Variants in CCR5AS observed in about 807,000 individuals in gnomAD.
The protein encoded by CCR5AS is CCR5 antisense RNA.
chr3:46,379,897 A>AAAT (rs1701801806), intron 2 of CCR5AS, among the ~76,000 whole-genome samples: 1 of 146,398 alleles, frequency 6.8e-6, no homozygotes, highest in African/African-American at 2.6e-5. Flanking sequence ...ACTCTGTCTC[A>AAAT]AAATAAATAA....
rs545967959 is a variant in CCR5AS at position 46,406,174 on chromosome 3, C to A, written n.163+723G>T. Among the ~76,000 whole-genome samples, 12 of 152,252 alleles carry A rather than the reference C, an allele frequency of 7.9e-5. No individual in the cohort carries two copies. The East Asian group carries it at 2.3e-3, about 29-fold the overall frequency. On this transcript the variant is annotated intron_variant and non_coding_transcript_variant, in intron 1 of 3. Coordinates refer to ENST00000451485, the Ensembl canonical transcript of CCR5AS. ...TGTAGGAATGCGCCTCAGTGCCAGG[C>A]TAGTTTCTTAATTTTCTATTTCTAT...
intron 2 of CCR5AS, among the ~76,000 whole-genome samples, chr3:46,377,357 C>T (rs952231716): frequency 2.0e-5 from 3 of 152,138 alleles, no homozygotes; most frequent in Non-Finnish European, 2.9e-5. Context: ...CCTTCTGTCT[C>T]CACCCAGAGG....
chr3:46,387,438 A>G lies in CCR5AS; in HGVS notation n.391+5387T>C, dbSNP rs147225361. 9.5e-3 allele frequency among the ~76,000 whole-genome samples: 1,441 copies of G among 152,300 alleles called. 12 individuals carry two copies. The highest frequency in any genetic ancestry group is 0.02 in the Middle Eastern group (6 of 294). On this transcript the variant is annotated intron_variant and non_coding_transcript_variant, in intron 2 of 3. Coordinates refer to ENST00000451485, the Ensembl canonical transcript of CCR5AS. ...TCTTCTTCTTGCAACTTGTGCCTGA[A>G]GTAACATGGACACAAAGTCCCCACT... is the stretch of plus-strand genomic sequence containing the variant.
chr3:46,380,878 G>A (rs1463515510), intron 2 of CCR5AS, among the ~76,000 whole-genome samples: 1 of 152,204 alleles, frequency 6.6e-6, no homozygotes, highest in Non-Finnish European at 1.5e-5. Flanking sequence ...CCAAGTCTGA[G>A]AAATACTGCC....
intron 2 of CCR5AS, among the ~76,000 whole-genome samples, chr3:46,384,700 A>T (rs1286012931): frequency 6.6e-6 from 1 of 152,172 alleles, no homozygotes; most frequent in East Asian, 1.9e-4. Flanking sequence ...TTGAATAAGG[A>T]TTAGTTAGAA....
intron 1 of CCR5AS, among the ~76,000 whole-genome samples, chr3:46,406,502 C>T (rs1308370099): frequency 6.6e-6 from 1 of 151,982 alleles, no homozygotes; most frequent in African/African-American, 2.4e-5. Flanking sequence ...TCTCAATTTC[C>T]TTCTCTCTGG....
intron 2 of CCR5AS, chr3:46,372,783 C>A (rs1431674252): frequency 1.3e-6 from 1 of 744,186 alleles, no homozygotes; most frequent in East Asian, 2.5e-5. Context: ...ATGTAGACAT[C>A]TATGTAGGCA....
chr3:46,396,893 A>T (rs1340361224), intron 1 of CCR5AS, among the ~76,000 whole-genome samples: 1 of 152,214 alleles, frequency 6.6e-6, no homozygotes, highest in African/African-American at 2.4e-5. Flanking sequence ...TCCAGCCTAA[A>T]ATAGTCTGGC....
intron 3 of CCR5AS, among the ~76,000 whole-genome samples, chr3:46,366,783 C>T (rs891596428): frequency 6.6e-6 from 1 of 152,186 alleles, no homozygotes. Context: ...TGTTGAGGCA[C>T]ATGGGTAACA....
intron 2 of CCR5AS, chr3:46,374,829 C>T (rs1359538184): frequency 1.2e-5 from 2 of 167,322 alleles, no homozygotes; most frequent in African/African-American, 4.8e-5. Flanking sequence ...AAGGAGACCA[C>T]CAACAGCCCT....
intron 3 of CCR5AS, among the ~76,000 whole-genome samples, chr3:46,366,608 G>C (rs944926663): frequency 6.6e-6 from 1 of 152,214 alleles, no homozygotes; most frequent in African/African-American, 2.4e-5. Context: ...TGGGGGATGT[G>C]GTTCATGGGC....
At chr3:46,384,456 T>A (rs1701841510) in intron 2 of CCR5AS, among the ~76,000 whole-genome samples, 1 of 152,276 alleles carries the variant, frequency 6.6e-6, no homozygotes, top group Non-Finnish European at 1.5e-5. Context: ...AGATTGCTTA[T>A]CTATGTCTGC....
chr3:46,379,616 C>T (rs1701798655), intron 2 of CCR5AS, among the ~76,000 whole-genome samples: 2 of 152,124 alleles, frequency 1.3e-5, no homozygotes, highest in Non-Finnish European at 2.9e-5. Context: ...ACTGCTTCGC[C>T]AGGCGTGGTG....
chr3:46,373,955 C>T (rs910045836), intron 2 of CCR5AS: 5 of 1,556,130 alleles, frequency 3.2e-6, no homozygotes, highest in Non-Finnish European at 4.4e-6. Flanking sequence ...TATCTGTGGG[C>T]TTGTGACACG....
chr3:46,399,076 C>T (rs940284632), intron 1 of CCR5AS, among the ~76,000 whole-genome samples: 12 of 152,216 alleles, frequency 7.9e-5, no homozygotes, highest in Non-Finnish European at 5.9e-5. Context: ...ACTACACTGT[C>T]ATCTTCACTG....
intron 2 of CCR5AS, among the ~76,000 whole-genome samples, chr3:46,376,582 G>C (rs1219316839): frequency 1.3e-5 from 2 of 152,178 alleles, no homozygotes; most frequent in Admixed American, 6.5e-5. Context: ...AAATGAAGAA[G>C]ATATGCAACG....
At chr3:46,390,743 A>G (rs941714773) in intron 2 of CCR5AS, among the ~76,000 whole-genome samples, 7 of 152,164 alleles carry the variant, frequency 4.6e-5, no homozygotes, top group Non-Finnish European at 7.4e-5. Context: ...GTCTCAGCCT[A>G]TTAAGGAAGC....
At chr3:46,377,870 T>TGTAAAAATACAA (rs1701778137) in intron 2 of CCR5AS, among the ~76,000 whole-genome samples, 2 of 152,024 alleles carry the variant, frequency 1.3e-5, no homozygotes, top group African/African-American at 4.8e-5. Flanking sequence ...CACGCCTGGG[T>TGTAAAAATACAA]AATTTTTTGT....
At chr3:46,391,719 C>T (rs937102294) in intron 2 of CCR5AS, among the ~76,000 whole-genome samples, 1 of 152,120 alleles carries the variant, frequency 6.6e-6, no homozygotes, top group African/African-American at 2.4e-5. Context: ...TGGAACGAAA[C>T]TGTAAGCCAG....
Sources: allele counts gnomAD v4.1 joint callset (sites outside exome capture counted in the v4.1 genomes callset), GRCh38; gene constraint gnomAD v4.1.1; transcripts MANE v1.5; gene names NCBI Gene and HGNC (gene_info 2026-07-23, HGNC 2026-07-21).